Variants in FHOD3 observed in about 807,000 individuals in gnomAD.
FHOD3 encodes the protein formin homology 2 domain containing 3.
Under a neutral mutation model 173.0 loss-of-function variants are expected in FHOD3, and 90 were observed. The observed-to-expected ratio is 0.52, with a 90% confidence interval of 0.44 to 0.62. The LOEUF is 0.62. FHOD3 is among the 20% of genes least tolerant of loss of function. The probability of loss-of-function intolerance (pLI) is 0.00; values close to 1 mark genes in which losing one functional copy is unlikely to be tolerated. For missense variants in FHOD3, 1,945 were observed against 2,034.7 expected (o/e 0.96, Z 0.85); for synonymous variants, 828 against 823.0 (o/e 1.01, Z -0.10).
At chr18:36,389,665 T>G (rs1267468744) in intron 3 of FHOD3, among the ~76,000 whole-genome samples, 1 of 152,198 alleles carries the variant, frequency 6.6e-6, no homozygotes, top group Non-Finnish European at 1.5e-5. Flanking sequence ...TGACGTAATA[T>G]GGATTTTCAT....
intron 5 of FHOD3, among the ~76,000 whole-genome samples, chr18:36,563,147 G>A (rs1297515699): frequency 6.6e-6 from 1 of 152,184 alleles, no homozygotes; most frequent in Non-Finnish European, 1.5e-5. Flanking sequence ...TTCTAAAAGT[G>A]TTGAAATCCT....
chr18:36,760,429 ATCT>A (rs1226105842), intron 26 of FHOD3, among the ~76,000 whole-genome samples, 176 bp from the exon 27 acceptor site: 1 of 152,104 alleles, frequency 6.6e-6, no homozygotes, highest in East Asian at 1.9e-4. Flanking sequence ...CTCATATTAG[ATCT>A]TCTTGTAGGC....
At chr18:36,582,439 C>A (rs530016120) in intron 6 of FHOD3, among the ~76,000 whole-genome samples, 1 of 152,318 alleles carries the variant, frequency 6.6e-6, no homozygotes, top group South Asian at 2.1e-4. Flanking sequence ...CTTCTAGATG[C>A]AGAGGGATCA....
rs144196894 is a variant in FHOD3 at position 36,457,385 on chromosome 18, T to C, written c.338-44547T>C. Among the ~76,000 whole-genome samples the C allele has an allele frequency of 5.9e-3, 902 of 152,230 alleles. 4 individuals carry two copies. Among genetic ancestry groups the C allele is most frequent in the Non-Finnish European group, 0.01 (705 of 68,030 alleles). On this transcript the variant is annotated intron_variant, in intron 3 of 28. Coordinates refer to ENST00000590592, the MANE Select transcript of FHOD3 (RefSeq NM_001281740.3). ...CTGGTGAAAGTGGCAGCCATCAGCATTGGTGGATTGTTCACTGGGAAGAAT... is the reference window on the plus strand; with the variant it reads ...CTGGTGAAAGTGGCAGCCATCAGCACTGGTGGATTGTTCACTGGGAAGAAT...
At chr18:36,608,574 A>G (rs549899283) in intron 8 of FHOD3, among the ~76,000 whole-genome samples, 6 of 152,294 alleles carry the variant, frequency 3.9e-5, no homozygotes, top group East Asian at 1.9e-4. Context: ...TAACATGTAC[A>G]TGGAGATGGA....
At chr18:36,457,066 G>T (rs996269525) in intron 3 of FHOD3, among the ~76,000 whole-genome samples, 8 of 152,036 alleles carry the variant, frequency 5.3e-5, no homozygotes, top group Non-Finnish European at 7.3e-5. Context: ...CCAGCAGGTG[G>T]GAAGGTGAGA....
intron 9 of FHOD3, among the ~76,000 whole-genome samples, chr18:36,614,484 C>G (rs1484168212): frequency 6.6e-6 from 1 of 152,146 alleles, no homozygotes; most frequent in South Asian, 2.1e-4. Context: ...AGTTTGTGTA[C>G]ATACGTTTTC....
chr18:36,638,776 A>G (rs959631461), intron 10 of FHOD3, among the ~76,000 whole-genome samples: 16 of 152,244 alleles, frequency 1.1e-4, no homozygotes, highest in African/African-American at 3.6e-4. Context: ...GAGAGGCAGG[A>G]AGCGTTGAGG....
chr18:36,569,433 A>C (rs2058380386), intron 5 of FHOD3, among the ~76,000 whole-genome samples: 1 of 152,188 alleles, frequency 6.6e-6, no homozygotes, highest in South Asian at 2.1e-4. Context: ...GAGCTTCAAA[A>C]TTCATAAAGC....
chr18:36,671,449 T>C (rs2037529963), intron 14 of FHOD3, among the ~76,000 whole-genome samples: 1 of 152,260 alleles, frequency 6.6e-6, no homozygotes, highest in South Asian at 2.1e-4. Flanking sequence ...TTGTTTCAGG[T>C]ACAGGTAAAT....
chr18:36,452,924 T>C (rs1367948961), intron 3 of FHOD3, among the ~76,000 whole-genome samples: 1 of 152,172 alleles, frequency 6.6e-6, no homozygotes, highest in Non-Finnish European at 1.5e-5. Flanking sequence ...ATTCACCCAT[T>C]GTTGAGCACT....
At chr18:36,418,058 G>A (rs972182048) in intron 3 of FHOD3, among the ~76,000 whole-genome samples, 5 of 152,172 alleles carry the variant, frequency 3.3e-5, no homozygotes, top group Admixed American at 6.5e-5. Flanking sequence ...ATCACGAGGT[G>A]CAATCATAGT....
intron 5 of FHOD3, among the ~76,000 whole-genome samples, chr18:36,540,596 A>T (rs1225880556): frequency 2.0e-5 from 3 of 152,176 alleles, no homozygotes; most frequent in African/African-American, 4.8e-5. Context: ...GTTCTACTTA[A>T]CTCAATGGCA....
chr18:36,779,178 C>G (rs1251644543), intron 28 of FHOD3: 2 of 501,562 alleles, frequency 4.0e-6, no homozygotes, highest in Non-Finnish European at 7.2e-6. Flanking sequence ...TTTCTCTCCT[C>G]TTTATAAGTG....
chr18:36,315,545 G>T (rs1368760213), intron 1 of FHOD3, among the ~76,000 whole-genome samples: 1 of 152,100 alleles, frequency 6.6e-6, no homozygotes, highest in Non-Finnish European at 1.5e-5. Context: ...GGGGGTTAAG[G>T]GGTCCTGGGG....
intron 2 of FHOD3, among the ~76,000 whole-genome samples, chr18:36,366,810 T>C (rs1471820148): frequency 6.6e-6 from 1 of 152,226 alleles, no homozygotes; most frequent in African/African-American, 2.4e-5. Flanking sequence ...AAGAGCTTTT[T>C]ACTCCTGGGG....
At chr18:36,397,819 G>C (rs1432512799) in intron 3 of FHOD3, among the ~76,000 whole-genome samples, 2 of 152,218 alleles carry the variant, frequency 1.3e-5, no homozygotes, top group Admixed American at 1.3e-4. Flanking sequence ...AGGGGGATCA[G>C]ATTGACTGCT....
chr18:36,313,527 G>T (rs946154806), intron 1 of FHOD3, among the ~76,000 whole-genome samples: 1 of 152,110 alleles, frequency 6.6e-6, no homozygotes, highest in African/African-American at 2.4e-5. Flanking sequence ...GAATCATTTC[G>T]TGTGTAGCCT....
chr18:36,654,645 T>G (rs2036288500), intron 13 of FHOD3, among the ~76,000 whole-genome samples: 1 of 152,208 alleles, frequency 6.6e-6, no homozygotes, highest in Non-Finnish European at 1.5e-5. Flanking sequence ...GTCTCATTTT[T>G]GGGGCTGATT....
Sources: allele counts gnomAD v4.1 joint callset (sites outside exome capture counted in the v4.1 genomes callset), GRCh38; gene constraint gnomAD v4.1.1; transcripts MANE v1.5; gene names NCBI Gene and HGNC (gene_info 2026-07-23, HGNC 2026-07-21).